The following USP38 variants were observed in gnomAD, a reference collection of about 807,000 sequenced individuals.
The protein encoded by USP38 is ubiquitin carboxyl-terminal hydrolase 38.
Under a neutral mutation model 94.3 loss-of-function variants are expected in USP38, and 49 were observed. That is an observed-to-expected ratio of 0.52 (90% CI 0.41 to 0.66). The LOEUF (loss-of-function observed/expected upper bound fraction) is 0.66, where lower values mean the gene tolerates loss of function less well. Among genes scored for constraint, USP38 ranks in the 30% least tolerant of loss-of-function variants. The probability of loss-of-function intolerance (pLI) is 0.00; values close to 1 mark genes in which losing one functional copy is unlikely to be tolerated. For synonymous variants in USP38, 468 were observed against 463.6 expected, an observed-to-expected ratio of 1.01 and a Z score of -0.12; for missense variants, 1,128 against 1,229.4, an observed-to-expected ratio of 0.92 and a Z score of 1.23.
rs1731202038 is a variant in USP38, at chr4:143,185,770, T to C, written c.320T>C (p.Ile107Thr). The change falls in exon 1 of 10, where the codon ATT (isoleucine) becomes ACT (threonine). Residue 107 changes from isoleucine to threonine, a missense_variant. Coordinates refer to ENST00000307017, the MANE Select transcript of USP38 (RefSeq NM_032557.6). ...AAGGATGTAGCCATCCTGGACTACA[T>C]TCACAACGGCCTGAAGCTGATTATG... ...DRKDVAILDY[I>T]HNGLKLIMSC... 6.2e-7 allele frequency: 1 copy of C among 1,614,072 alleles called. No homozygotes were observed. Among genetic ancestry groups the C allele is most frequent in the African/African-American group, 1.3e-5 (1 of 74,932 alleles).
intron 9 of USP38, among the ~76,000 whole-genome samples, chr4:143,215,890 GAAA>G (rs527841146): frequency 3.3e-5 from 5 of 151,954 alleles, no homozygotes; most frequent in Non-Finnish European, 4.4e-5. Context: ...AAACTTTACA[GAAA>G]AAAATAGAAA....
chr4:143,218,694 T>G (rs1024020172), intron 9 of USP38, among the ~76,000 whole-genome samples: 1 of 152,142 alleles, frequency 6.6e-6, no homozygotes, highest in Non-Finnish European at 1.5e-5. Flanking sequence ...TATAAAAACG[T>G]CTATGCAAGA....
chr4:143,188,174 AC>A (rs1395832257), intron 2 of USP38, among the ~76,000 whole-genome samples: 1 of 152,190 alleles, frequency 6.6e-6, no homozygotes, highest in African/African-American at 2.4e-5. Flanking sequence ...TTTTTTAATT[AC>A]CAAAATATAC....
Position 143,222,332 on chromosome 4 carries a change from T to A in USP38, c.*1876T>A, listed in dbSNP as rs1197975400. 6.6e-6 allele frequency: 1 copy of A among 151,914 alleles called. No homozygotes were observed. Among genetic ancestry groups the A allele is most frequent in the Non-Finnish European group, 1.5e-5 (1 of 67,888 alleles). 9.4% of individuals were successfully genotyped at this position (151,914 alleles called of 1,614,324 possible). ...GCAGTGGATTGGTTCCAGAACACCA[T>A]CCCCCAATATTAAAATCCACAGATA... On this transcript the variant is annotated 3_prime_UTR_variant, in exon 10 of 10. Transcript: ENST00000307017.
intron 2 of USP38, among the ~76,000 whole-genome samples, chr4:143,190,125 A>T (rs1329327146): frequency 6.6e-6 from 1 of 152,096 alleles, no homozygotes; most frequent in East Asian, 1.9e-4. Flanking sequence ...TAACAGCACT[A>T]AAGTGTCTTT....
At chr4:143,190,856 T>C (rs1476858775) in intron 2 of USP38, among the ~76,000 whole-genome samples, 3 of 152,136 alleles carry the variant, frequency 2.0e-5, no homozygotes. Context: ...TGACTTCCAC[T>C]ACCTACTAAG....
intron 2 of USP38, among the ~76,000 whole-genome samples, chr4:143,189,090 T>G (rs1200459564): frequency 6.6e-6 from 1 of 151,590 alleles, no homozygotes; most frequent in Non-Finnish European, 1.5e-5. Context: ...TGTGAGGAAG[T>G]GGTTTGCAAT....
chr4:143,187,249 A>G (rs1369329813), intron 1 of USP38, among the ~76,000 whole-genome samples: 1 of 152,160 alleles, frequency 6.6e-6, no homozygotes, highest in Non-Finnish European at 1.5e-5. Context: ...CTTAATTTCT[A>G]CTTTAAGAGA....
At chr4:143,198,458 C>A (rs1355713095) in intron 4 of USP38, among the ~76,000 whole-genome samples, 1 of 152,116 alleles carries the variant, frequency 6.6e-6, no homozygotes, top group Non-Finnish European at 1.5e-5. Flanking sequence ...GGTCAGCTGT[C>A]CATTTACCAC....
Position 143,187,801 on chromosome 4 carries a change from C to G in USP38, c.683-25C>G, listed in dbSNP as rs1731271856. On this transcript the variant is annotated intron_variant, in intron 1 of 9. Transcript: ENST00000307017. Reference sequence around the variant, plus strand: ...TACTTGAACCTACTTGCCATGTTCCCTTTTCTTTTTAATTGAAAAAACAGA... The same window carrying G: ...TACTTGAACCTACTTGCCATGTTCCGTTTTCTTTTTAATTGAAAAAACAGA... The G allele has an allele frequency of 6.9e-6, 11 of 1,591,658 alleles. 1 individual carries two copies. Among genetic ancestry groups the G allele is most frequent in the Middle Eastern group, 1.7e-4 (1 of 5,930 alleles).
intron 8 of USP38, 53 bp from the exon 9 acceptor site, chr4:143,213,528 A>T: frequency 6.8e-7 from 1 of 1,461,802 alleles, no homozygotes. Context: ...TTTAAATAGA[A>T]ATGACATTTG....
At chr4:143,193,331 G>C (rs764054693) in intron 2 of USP38, among the ~76,000 whole-genome samples, 1 of 151,796 alleles carries the variant, frequency 6.6e-6, no homozygotes, top group Admixed American at 6.6e-5. Flanking sequence ...CTGTTGCATA[G>C]TATCAGTACC....
intron 9 of USP38, among the ~76,000 whole-genome samples, chr4:143,220,062 T>C (rs1327627385): frequency 2.6e-5 from 4 of 152,292 alleles, no homozygotes; most frequent in African/African-American, 4.8e-5. Flanking sequence ...ATCTTTGAAT[T>C]CTATGTTAAA....
intron 9 of USP38, among the ~76,000 whole-genome samples, chr4:143,216,655 T>A (rs1378365395): frequency 1.3e-5 from 2 of 151,864 alleles, no homozygotes; most frequent in African/African-American, 2.4e-5. Flanking sequence ...TTAAAAAAAA[T>A]TTTTTAAAGA....
At chr4:143,195,968 A>G in intron 3 of USP38, 123 bp downstream of exon 3, 2 of 993,744 alleles carry the variant, frequency 2.0e-6, no homozygotes, top group South Asian at 4.7e-5. Context: ...GTTTTGAATA[A>G]CAGTTTGAAT....
chr4:143,187,999 T>C (rs1475533775), intron 2 of USP38, 38 bp downstream of exon 2: 1 of 1,569,102 alleles, frequency 6.4e-7, no homozygotes, highest in East Asian at 2.3e-5. Flanking sequence ...AATTGTAGAT[T>C]TGGGGAAGAG....
chr4:143,203,658 TG>T lies in USP38; in HGVS notation c.1209+94del, dbSNP rs145119546. On this transcript the variant is annotated intron_variant, in intron 5 of 9. Transcript: ENST00000307017. ...ACCAGCTACTCAATTTACTATTTTA[TG>T]GTAATATGCTTTTTATTTGAAAAAT... The T allele has an allele frequency of 1.6e-4, 213 of 1,350,498 alleles. 2 individuals are homozygous for T. The African/African-American group carries it at 3.0e-3, about 19-fold the overall frequency. 83.7% of individuals were successfully genotyped at this position (1,350,498 alleles called of 1,614,324 possible). A position where few individuals can be genotyped will look rare whatever the true frequency, so the allele number is the denominator to read the frequency against.
intron 5 of USP38, chr4:143,204,402 T>C (rs1420056455): frequency 2.2e-6 from 1 of 454,662 alleles, no homozygotes; most frequent in South Asian, 1.6e-5. Context: ...AGCACTTTTT[T>C]TTTTTTTTGG....
At chr4:143,207,375 TA>T (rs1289332332) in intron 6 of USP38, among the ~76,000 whole-genome samples, 1 of 152,126 alleles carries the variant, frequency 6.6e-6, no homozygotes, top group Non-Finnish European at 1.5e-5. Flanking sequence ...CCGTCTCTAC[TA>T]AAAATACAAA....
Sources: gnomAD v4.1 joint callset for allele counts (sites outside exome capture counted in the v4.1 genomes callset) on GRCh38, gnomAD v4.1.1 for gene constraint, MANE v1.5 for transcripts, NCBI Gene and HGNC (gene_info 2026-07-23, HGNC 2026-07-21) for gene names.